MACROD2: variants seen among roughly 807,000 people sequenced by gnomAD.
MACROD2 encodes the protein ADP-ribose glycohydrolase MACROD2.
Under a neutral mutation model 70.4 loss-of-function variants are expected in MACROD2, and 36 were observed. The ratio of observed to expected loss-of-function variants is 0.51; its 90% CI spans 0.39 to 0.68. MACROD2 has a LOEUF of 0.68. Ranked by LOEUF, MACROD2 falls within the 30% of genes least tolerant of loss-of-function variation. MACROD2 has a pLI of 0.00. For synonymous variants in MACROD2, 172 were observed against 178.8 expected (o/e 0.96, Z 0.30); for missense variants, 496 against 538.4 (o/e 0.92, Z 0.78).
chr20:14,593,924 A>G (rs1042655286), intron 4 of MACROD2, among the ~76,000 whole-genome samples: 1 of 152,174 alleles, frequency 6.6e-6, no homozygotes, highest in African/African-American at 2.4e-5. Flanking sequence ...TTTCAGTTCA[A>G]TATTTGTCCT....
chr20:14,387,115 A>G (rs1259372670), intron 3 of MACROD2, among the ~76,000 whole-genome samples: 1 of 152,198 alleles, frequency 6.6e-6, no homozygotes, highest in Non-Finnish European at 1.5e-5. Context: ...ACATAAGACA[A>G]TTAATTTAAA....
intron 3 of MACROD2, among the ~76,000 whole-genome samples, chr20:14,102,943 CAG>C (rs973279843): frequency 3.9e-5 from 6 of 152,102 alleles, no homozygotes; most frequent in African/African-American, 1.2e-4. Flanking sequence ...TGGGGATAGA[CAG>C]AAAACAGCAT....
intron 5 of MACROD2, among the ~76,000 whole-genome samples, chr20:14,865,646 A>G (rs576718547): frequency 6.6e-6 from 1 of 152,050 alleles, no homozygotes; most frequent in African/African-American, 2.4e-5. Flanking sequence ...TTTAAAACTT[A>G]ATTACTACTA....
chr20:15,071,938 C>CT (rs2075622085), intron 5 of MACROD2, among the ~76,000 whole-genome samples: 1 of 152,046 alleles, frequency 6.6e-6, no homozygotes, highest in African/African-American at 2.4e-5. Context: ...CACTTGTTAC[C>CT]TAGCAGTTGC....
intron 2 of MACROD2, chr20:14,052,968 G>GT (rs1282335645): frequency 6.6e-6 from 1 of 151,718 alleles, no homozygotes; most frequent in African/African-American, 2.4e-5. Flanking sequence ...TCAAGGTAAA[G>GT]TAAGTGAAAT....
chr20:13,995,956 T>A lies in MACROD2; in HGVS notation c.46+147T>A. ...GCCGCCTCCCTCCGGTGTCCGTGTGTACACACGCGCACACTCGCGCGCACT... is the reference window on the plus strand; with the variant it reads ...GCCGCCTCCCTCCGGTGTCCGTGTGAACACACGCGCACACTCGCGCGCACT... On this transcript the variant is annotated intron_variant, in intron 1 of 17. Transcript: ENST00000684519. The surrounding 1 kb of genome is among the most constrained non-coding windows in gnomAD (Gnocchi z 4.3). 1.1e-6 allele frequency: 1 copy of A among 920,268 alleles called. No individual in the cohort carries two copies. The highest frequency in any genetic ancestry group is 1.7e-6 in the Non-Finnish European group (1 of 602,708). The allele number at this position is 920,268 out of a possible 1,614,324, so 57.0% of individuals were successfully genotyped here.
intron 8 of MACROD2, among the ~76,000 whole-genome samples, chr20:15,831,927 T>C (rs2147117886): frequency 6.6e-6 from 1 of 152,310 alleles, no homozygotes; most frequent in South Asian, 2.1e-4. Flanking sequence ...TTGTGTTGTT[T>C]AGCAAACTCT....
At chr20:14,463,802 T>C (rs1391954349) in intron 3 of MACROD2, among the ~76,000 whole-genome samples, 2 of 152,122 alleles carry the variant, frequency 1.3e-5, no homozygotes, top group African/African-American at 4.8e-5. Flanking sequence ...CATGTGGTTT[T>C]TGTCTTTGGT....
chr20:15,008,473 T>C (rs1483568527), intron 5 of MACROD2, among the ~76,000 whole-genome samples: 3 of 152,188 alleles, frequency 2.0e-5, no homozygotes, highest in Non-Finnish European at 2.9e-5. Context: ...TGCAACACTT[T>C]GTGTGGGATG....
At chr20:14,308,541 A>G (rs866848450) in intron 3 of MACROD2, among the ~76,000 whole-genome samples, 2 of 152,226 alleles carry the variant, frequency 1.3e-5, no homozygotes. Context: ...GGCAAACTGG[A>G]CTTATTATTA....
intron 5 of MACROD2, chr20:14,893,625 C>G (rs1435309061): frequency 6.6e-6 from 1 of 151,994 alleles, no homozygotes; most frequent in African/African-American, 2.4e-5. Context: ...TATTTGACTA[C>G]TAGTAAAATT....
At chr20:14,337,033 C>A (rs204606) in intron 3 of MACROD2, among the ~76,000 whole-genome samples, 105,320 of 152,098 alleles carry the variant, frequency 0.69, 37,040 homozygotes, top group Non-Finnish European at 0.75. Context: ...TGGTGATCAT[C>A]CCACACGTAC....
intron 7 of MACROD2, among the ~76,000 whole-genome samples, chr20:15,476,520 A>G (rs1000575987): frequency 1.3e-5 from 2 of 152,152 alleles, no homozygotes; most frequent in Non-Finnish European, 2.9e-5. Context: ...AACAAAACAA[A>G]ACAAACATAC....
At chr20:15,933,434 T>G in intron 11 of MACROD2, 96 bp downstream of exon 11, 1 of 1,134,944 alleles carries the variant, frequency 8.8e-7, no homozygotes, top group South Asian at 1.4e-5. Context: ...TGCTTATACA[T>G]TTCACCAGAT....
chr20:15,053,773 T>G (rs897010100), intron 5 of MACROD2, among the ~76,000 whole-genome samples: 2 of 152,212 alleles, frequency 1.3e-5, no homozygotes, highest in African/African-American at 4.8e-5. Context: ...ATAGCTGCCA[T>G]AGATAGTGAT....
At chr20:15,422,179 A>T (rs2046237875) in intron 6 of MACROD2, among the ~76,000 whole-genome samples, 1 of 152,154 alleles carries the variant, frequency 6.6e-6, no homozygotes, top group African/African-American at 2.4e-5. Context: ...TTAAAGCATG[A>T]TGGGAGGTGA....
At chr20:14,485,573 C>A (rs954466805) in intron 3 of MACROD2, among the ~76,000 whole-genome samples, 2 of 151,800 alleles carry the variant, frequency 1.3e-5, no homozygotes, top group Non-Finnish European at 2.9e-5. Flanking sequence ...TGGTGGCAGG[C>A]ACCTGTAGTC....
chr20:15,660,870 C>A (rs537752439), intron 8 of MACROD2, among the ~76,000 whole-genome samples: 1 of 152,054 alleles, frequency 6.6e-6, no homozygotes, highest in Non-Finnish European at 1.5e-5. Context: ...TTATTAAAAG[C>A]CTTTAGTTTG....
intron 2 of MACROD2, among the ~76,000 whole-genome samples, chr20:14,066,736 C>T (rs1186819909): frequency 6.6e-6 from 1 of 151,630 alleles, no homozygotes; most frequent in East Asian, 1.9e-4. Context: ...TTCTAAAGCT[C>T]TTAACCGACA....
Sources: allele counts gnomAD v4.1 joint callset (sites outside exome capture counted in the v4.1 genomes callset), GRCh38; gene constraint gnomAD v4.1.1; non-coding constraint Gnocchi (gnomAD v3.1); transcripts MANE v1.5; gene names NCBI Gene and HGNC (gene_info 2026-07-23, HGNC 2026-07-21).